Variants in GARIN1B observed in about 807,000 individuals in gnomAD.
GARIN1B encodes the protein Golgi-associated RAB2 interactor protein 1B.
At chr7:128,715,698 T>G in the GARIN1B span, 1 of 1,609,792 alleles carries the variant, frequency 6.2e-7, no homozygotes, top group East Asian at 2.2e-5. Context: ...CAGGTATTCT[T>G]GGGTGGCGCA....
chr7:128,723,031 T>G, the GARIN1B span, among the ~76,000 whole-genome samples: 1 of 151,986 alleles, frequency 6.6e-6, no homozygotes, highest in African/African-American at 2.4e-5. Context: ...ATACGAGGAG[T>G]GTAAACCAAA....
the GARIN1B span, among the ~76,000 whole-genome samples, chr7:128,710,641 T>C: frequency 6.6e-6 from 1 of 152,132 alleles, no homozygotes; most frequent in South Asian, 2.1e-4. Flanking sequence ...CTAACATGAC[T>C]TCCAGATCTT....
At chr7:128,727,394 A>G in the GARIN1B span, among the ~76,000 whole-genome samples, 8 of 152,352 alleles carry the variant, frequency 5.3e-5, no homozygotes, top group African/African-American at 1.7e-4. Context: ...CATTCCTGCC[A>G]GGAAGCTTGC....
the GARIN1B span, chr7:128,716,801 G>T: frequency 6.3e-7 from 1 of 1,595,946 alleles, no homozygotes; most frequent in South Asian, 1.1e-5. Flanking sequence ...GTGCCTGGGG[G>T]CTGTGTTGCA....
the GARIN1B span, among the ~76,000 whole-genome samples, chr7:128,722,368 C>G: frequency 5.3e-5 from 8 of 152,144 alleles, no homozygotes; most frequent in African/African-American, 1.9e-4. Context: ...TCAATAAATA[C>G]GGAATGAATG....
chr7:128,724,880 A>T, the GARIN1B span: 2 of 1,285,646 alleles, frequency 1.6e-6, no homozygotes, highest in African/African-American at 3.0e-5. Context: ...TATAGCAACG[A>T]AGAGCTCGCA....
chr7:128,727,869 T>A, the GARIN1B span, among the ~76,000 whole-genome samples: 1 of 152,190 alleles, frequency 6.6e-6, no homozygotes, highest in Non-Finnish European at 1.5e-5. Flanking sequence ...TATTCCCTAG[T>A]TGTTTTATAG....
the GARIN1B span, chr7:128,714,024 A>G: frequency 6.5e-7 from 1 of 1,534,492 alleles, no homozygotes; most frequent in Non-Finnish European, 8.7e-7. Context: ...ACAAAAGATA[A>G]TGAGAAAAGT....
chr7:128,723,229 C>A, the GARIN1B span: 3 of 1,612,658 alleles, frequency 1.9e-6, no homozygotes, highest in Non-Finnish European at 2.5e-6. Flanking sequence ...CCTCCCAGCC[C>A]AGCGAGAGTC....
the GARIN1B span, chr7:128,724,835 CTG>C: frequency 2.3e-6 from 3 of 1,289,570 alleles, no homozygotes; most frequent in South Asian, 3.7e-5. Flanking sequence ...TGGTAATAAA[CTG>C]AAAACCAGTA....
At chr7:128,714,307 T>G in the GARIN1B span, among the ~76,000 whole-genome samples, 1 of 152,204 alleles carries the variant, frequency 6.6e-6, no homozygotes, top group South Asian at 2.1e-4. Flanking sequence ...ACAGACACAG[T>G]GGCTCATGCC....
chr7:128,731,615 AAAAAG>A, the GARIN1B span: 1 of 166,710 alleles, frequency 6.0e-6, no homozygotes, highest in Non-Finnish European at 1.3e-5. Flanking sequence ...CATAAACAAA[AAAAAG>A]AAATGTTTTC....
the GARIN1B span, among the ~76,000 whole-genome samples, chr7:128,717,757 TG>T: frequency 8.7e-6 from 1 of 114,780 alleles, no homozygotes; most frequent in African/African-American, 3.3e-5. Context: ...AGGTTTTTTT[TG>T]TTTTTTTTTT....
the GARIN1B span, chr7:128,726,988 T>C: frequency 1.2e-6 from 1 of 867,772 alleles, no homozygotes; most frequent in East Asian, 2.6e-5. Flanking sequence ...GCCATTGTCC[T>C]TCCATGCCTT....
At chr7:128,709,750 CT>C in the GARIN1B span, among the ~76,000 whole-genome samples, 43 of 114,664 alleles carry the variant, frequency 3.8e-4, no homozygotes, top group East Asian at 8.7e-4. Context: ...CTCTCTCTCT[CT>C]TTTTTTTTTT....
the GARIN1B span, among the ~76,000 whole-genome samples, chr7:128,713,247 C>T: frequency 1.3e-5 from 2 of 152,116 alleles, no homozygotes; most frequent in African/African-American, 4.8e-5. Flanking sequence ...ATGGAGGTTG[C>T]AGTGAGCCAA....
the GARIN1B span, chr7:128,715,513 T>TA: frequency 6.2e-7 from 1 of 1,614,130 alleles, no homozygotes; most frequent in Non-Finnish European, 8.5e-7. Context: ...CAAGATCCTA[T>TA]CCAACCTTCC....
the GARIN1B span, among the ~76,000 whole-genome samples, chr7:128,724,531 A>T: frequency 6.6e-6 from 1 of 152,136 alleles, no homozygotes; most frequent in African/African-American, 2.4e-5. Context: ...ATGTCGCTGT[A>T]TGTACAGATG....
chr7:128,718,760 C>CATTTTA, the GARIN1B span: 1 of 1,559,166 alleles, frequency 6.4e-7, no homozygotes, highest in African/African-American at 1.4e-5. Context: ...AGACCTGCCT[C>CATTTTA]ATTTTAACGA....
Sources: gnomAD v4.1 joint callset for allele counts (sites outside exome capture counted in the v4.1 genomes callset) on GRCh38, gnomAD v4.1.1 for gene constraint, MANE v1.5 for transcripts, NCBI Gene and HGNC (gene_info 2026-07-23, HGNC 2026-07-21) for gene names.